Variants in AGAP1 observed in about 807,000 individuals in gnomAD.
The protein encoded by AGAP1 is ArfGAP with GTPase domain, ankyrin repeat and PH domain 1.
Under a neutral mutation model 105.3 loss-of-function variants are expected in AGAP1, and 29 were observed. The ratio of observed to expected loss-of-function variants is 0.28; its 90% CI spans 0.21 to 0.38. The LOEUF is 0.38. Ranked by LOEUF, AGAP1 falls within the 10% of genes least tolerant of loss-of-function variation. AGAP1 has a pLI of 1.00. For synonymous variants in AGAP1, 509 were observed against 485.9 expected (o/e 1.05, Z -0.63); for missense variants, 998 against 1,165.1 (o/e 0.86, Z 2.09).
chr2:235,884,998 G>A (rs1467620046), intron 10 of AGAP1, among the ~76,000 whole-genome samples: 1 of 152,124 alleles, frequency 6.6e-6, no homozygotes, highest in Non-Finnish European at 1.5e-5. Flanking sequence ...ACAGTCATGA[G>A]CCATGACACC....
chr2:235,717,729 T>G (rs916057859), intron 3 of AGAP1, 85 bp downstream of exon 3: 64 of 1,133,360 alleles, frequency 5.6e-5, no homozygotes, highest in Non-Finnish European at 7.3e-5. Context: ...ATGACTTTGA[T>G]GTATCACAGG....
At chr2:235,605,649 A>C (rs1272154408) in intron 1 of AGAP1, among the ~76,000 whole-genome samples, 1 of 152,234 alleles carries the variant, frequency 6.6e-6, no homozygotes, top group African/African-American at 2.4e-5. Context: ...GGCACAGAAA[A>C]ATTTAAGCAT....
chr2:235,644,266 A>G (rs1405497526), intron 1 of AGAP1, among the ~76,000 whole-genome samples: 1 of 152,202 alleles, frequency 6.6e-6, no homozygotes, highest in African/African-American at 2.4e-5. Flanking sequence ...CTGATTAGAT[A>G]ATACTGAGTG....
At chr2:235,506,793 T>C (rs2149016046) in intron 1 of AGAP1, among the ~76,000 whole-genome samples, 1 of 152,294 alleles carries the variant, frequency 6.6e-6, no homozygotes, top group South Asian at 2.1e-4. Context: ...TTTCCTGTGC[T>C]GACGGTTTGC....
At chr2:235,757,081 G>A (rs1021843517) in intron 6 of AGAP1, among the ~76,000 whole-genome samples, 1 of 152,202 alleles carries the variant, frequency 6.6e-6, no homozygotes, top group Non-Finnish European at 1.5e-5. Context: ...AAACGTCAGC[G>A]TCTTAAGCTT....
At chr2:235,950,481 T>A (rs942779529) in intron 12 of AGAP1, among the ~76,000 whole-genome samples, 5 of 152,008 alleles carry the variant, frequency 3.3e-5, no homozygotes, top group African/African-American at 1.2e-4. Flanking sequence ...CTCCTGAGGT[T>A]TGGGGGCTGG....
intron 13 of AGAP1, among the ~76,000 whole-genome samples, chr2:235,999,603 T>C (rs1311722351): frequency 7.3e-6 from 1 of 137,044 alleles, no homozygotes; most frequent in Non-Finnish European, 1.5e-5. Flanking sequence ...TGGTGAGAGG[T>C]GGTGGTGGTG....
rs573955943 is a variant in AGAP1 at position 235,852,888 on chromosome 2, G to C, written c.1051-30457G>C. The C allele has an allele frequency of 6.7e-6, 9 of 1,340,224 alleles. No homozygotes were observed. In the East Asian group the frequency reaches 2.1e-4, roughly 31 times the overall value. The allele number at this position is 1,340,224 out of a possible 1,614,324, so 83.0% of individuals were successfully genotyped here. ...TTAACATAGAGGTGAACTCCAGATC[G>C]GCCGATAGCTTGCAGGCCGCTGCTG... is the stretch of plus-strand genomic sequence containing the variant. On this transcript the variant is annotated intron_variant, in intron 9 of 17. Transcript: ENST00000304032.
Position 236,114,862 on chromosome 2 carries a change from A to G in AGAP1, c.2115-5330A>G, listed in dbSNP as rs886891055. ...AGAAGCCCTTAAACATCTCAAGGCTATGGGCAGGAGCCAACCAGATGTTGC... is the reference window on the plus strand; with the variant it reads ...AGAAGCCCTTAAACATCTCAAGGCTGTGGGCAGGAGCCAACCAGATGTTGC... On this transcript the variant is annotated intron_variant, in intron 16 of 17. Transcript: ENST00000304032. The surrounding 1 kb of genome is among the most constrained non-coding windows in gnomAD (Gnocchi z 5.0). Among the ~76,000 whole-genome samples the G allele has an allele frequency of 6.6e-6, 1 of 152,202 alleles. No homozygotes were observed. The highest frequency in any genetic ancestry group is 2.4e-5 in the African/African-American group (1 of 41,442).
chr2:236,106,974 C>T (rs1219100893), intron 16 of AGAP1, among the ~76,000 whole-genome samples: 1 of 152,130 alleles, frequency 6.6e-6, no homozygotes, highest in Non-Finnish European at 1.5e-5. Flanking sequence ...TGGGCCAAGG[C>T]CATCCTGTGC....
At chr2:235,837,141 A>G (rs888560963) in intron 9 of AGAP1, among the ~76,000 whole-genome samples, 1 of 152,174 alleles carries the variant, frequency 6.6e-6, no homozygotes, top group Non-Finnish European at 1.5e-5. Context: ...ATGCAACACC[A>G]CGCCTGGCTA....
At chr2:235,985,473 T>C (rs1338835353) in intron 13 of AGAP1, among the ~76,000 whole-genome samples, 1 of 152,230 alleles carries the variant, frequency 6.6e-6, no homozygotes, top group East Asian at 1.9e-4. Flanking sequence ...ATTTGTCAAT[T>C]TTGGCTTTTG....
rs116314853 is a variant in AGAP1 at position 236,030,776 on chromosome 2, C to T, written c.1646-5785C>T. ...AATGCTTAAGTGTTGGAGAGGAGAGCGACAGCACAAACTTCTTACACAGTA... is the reference window on the plus strand; with the variant it reads ...AATGCTTAAGTGTTGGAGAGGAGAGTGACAGCACAAACTTCTTACACAGTA... On this transcript the variant is annotated intron_variant, in intron 13 of 17. Transcript: ENST00000304032. 1.3e-3 allele frequency among the ~76,000 whole-genome samples: 196 copies of T among 152,190 alleles called. 1 individual carries two copies. Among genetic ancestry groups the T allele is most frequent in the African/African-American group, 4.3e-3 (180 of 41,520 alleles).
intron 1 of AGAP1, among the ~76,000 whole-genome samples, chr2:235,590,581 T>C (rs1945291576): frequency 6.6e-6 from 1 of 152,088 alleles, no homozygotes; most frequent in Non-Finnish European, 1.5e-5. Flanking sequence ...AACCTGCTTT[T>C]CGAATTTAAA....
Position 235,988,514 on chromosome 2 carries a change from T to G in AGAP1, c.1645+19891T>G, listed in dbSNP as rs1378790245. On this transcript the variant is annotated intron_variant, in intron 13 of 17. Transcript: ENST00000304032. The surrounding 1 kb of genome is among the most constrained non-coding windows in gnomAD (Gnocchi z 4.7). ...TCTGAACTTTAGCGTAAGTGTTCTC[T>G]GGCAGGTATGGCTGTTTTTCTGAGC... is the stretch of plus-strand genomic sequence containing the variant. Among the ~76,000 whole-genome samples, 2 of 152,172 alleles carry G rather than the reference T, an allele frequency of 1.3e-5. No homozygotes were observed. Among genetic ancestry groups the G allele is most frequent in the African/African-American group, 4.8e-5 (2 of 41,450 alleles).
At chr2:235,707,432 C>T (rs1205058925) in intron 1 of AGAP1, among the ~76,000 whole-genome samples, 1 of 145,322 alleles carries the variant, frequency 6.9e-6, no homozygotes, top group Non-Finnish European at 1.5e-5. Flanking sequence ...CATTGCAGGG[C>T]CCGTGGCATC....
chr2:236,116,679 G>C (rs571636880), intron 16 of AGAP1, among the ~76,000 whole-genome samples: 9 of 152,060 alleles, frequency 5.9e-5, no homozygotes, highest in Admixed American at 5.9e-4. Context: ...TGATTTGTGA[G>C]ATCTTGGTGC....
intron 16 of AGAP1, among the ~76,000 whole-genome samples, chr2:236,086,860 A>AC (rs1046315292): frequency 5.4e-5 from 3 of 55,532 alleles, no homozygotes; most frequent in African/African-American, 2.1e-4. Context: ...CCCCTCCCCC[A>AC]CCCCCCTGCC....
intron 8 of AGAP1, among the ~76,000 whole-genome samples, chr2:235,802,763 G>T (rs796091954): frequency 3.5e-5 from 4 of 115,790 alleles, no homozygotes; most frequent in African/African-American, 1.3e-4. Flanking sequence ...GATGGTTGTG[G>T]TTGTGATGAT....
Sources: allele counts gnomAD v4.1 joint callset (sites outside exome capture counted in the v4.1 genomes callset), GRCh38; gene constraint gnomAD v4.1.1; non-coding constraint Gnocchi (gnomAD v3.1); transcripts MANE v1.5; gene names NCBI Gene and HGNC (gene_info 2026-07-23, HGNC 2026-07-21).